CLVS1: variants seen among roughly 807,000 people sequenced by gnomAD.
CLVS1 encodes clavesin 1, also known as clavesin-1.
A neutral mutation model predicts 33.1 loss-of-function variants in CLVS1; 10 were observed. The observed-to-expected ratio is 0.30, with a 90% CI of 0.19 to 0.51. CLVS1 has a LOEUF of 0.51. CLVS1 is among the 20% of genes least tolerant of loss of function. The pLI, the probability that CLVS1 is intolerant of heterozygous loss-of-function variation, is 0.97. For missense variants in CLVS1, 343 were observed against 433.4 expected (o/e 0.79, Z 1.85); for synonymous variants, 163 against 166.1 (o/e 0.98, Z 0.14).
the CLVS1 span, among the ~76,000 whole-genome samples, chr8:60,977,648 A>G: frequency 6.6e-6 from 1 of 152,238 alleles, no homozygotes; most frequent in East Asian, 1.9e-4. Context: ...AGAAAAAAGA[A>G]TGAAGAAAAA....
At chr8:61,402,197 C>A (rs2129603591) in intron 3 of CLVS1, among the ~76,000 whole-genome samples, 1 of 152,066 alleles carries the variant, frequency 6.6e-6, no homozygotes, top group Admixed American at 6.5e-5. Context: ...GCAAGAGACC[C>A]TAAGGGCAAA....
At chr8:61,488,757 A>G (rs1803964344) in intron 5 of CLVS1, among the ~76,000 whole-genome samples, 1 of 152,216 alleles carries the variant, frequency 6.6e-6, no homozygotes, top group Non-Finnish European at 1.5e-5. Flanking sequence ...GCAGGAATGC[A>G]TAGTTTCATA....
At chr8:61,391,390 T>C (rs1229513116) in intron 3 of CLVS1, among the ~76,000 whole-genome samples, 1 of 152,194 alleles carries the variant, frequency 6.6e-6, no homozygotes, top group Non-Finnish European at 1.5e-5. Flanking sequence ...AACTTGATGT[T>C]TCTTTGGGAC....
intron 1 of CLVS1, among the ~76,000 whole-genome samples, chr8:61,116,558 C>G (rs1467613748): frequency 6.6e-6 from 1 of 152,108 alleles, no homozygotes; most frequent in Non-Finnish European, 1.5e-5. Context: ...TAAGGTGTAA[C>G]AAAGGGATCC....
At chr8:61,159,016 G>A (rs1439860042) in intron 2 of CLVS1, among the ~76,000 whole-genome samples, 5 of 152,106 alleles carry the variant, frequency 3.3e-5, no homozygotes, top group South Asian at 2.1e-4. Context: ...CTACAGGCAT[G>A]AGCCACCATG....
intron 1 of CLVS1, among the ~76,000 whole-genome samples, chr8:61,121,451 G>T (rs1805869855): frequency 6.6e-6 from 1 of 151,874 alleles, no homozygotes; most frequent in Non-Finnish European, 1.5e-5. Flanking sequence ...GTGTGTGTTT[G>T]TGTGTGTGTG....
chr8:61,311,336 T>A (rs186110793), intron 2 of CLVS1, among the ~76,000 whole-genome samples: 7 of 152,318 alleles, frequency 4.6e-5, no homozygotes, highest in African/African-American at 1.7e-4. Flanking sequence ...TCTAACAATC[T>A]CCTTGTCAGA....
the CLVS1 span, among the ~76,000 whole-genome samples, chr8:60,968,734 C>G: frequency 6.6e-6 from 1 of 150,684 alleles, no homozygotes; most frequent in African/African-American, 2.4e-5. Context: ...ACAAAAAATA[C>G]AAAAATTAGC....
At chr8:61,316,422 C>G (rs1471270155) in intron 2 of CLVS1, among the ~76,000 whole-genome samples, 1 of 152,188 alleles carries the variant, frequency 6.6e-6, no homozygotes, top group Non-Finnish European at 1.5e-5. Context: ...GTTTAAGAAT[C>G]ACCATATTAT....
At chr8:61,465,111 G>A (rs1028903520) in intron 5 of CLVS1, 1 of 152,378 alleles carries the variant, frequency 6.6e-6, no homozygotes, top group African/African-American at 2.4e-5. Context: ...TCCCTGTGGT[G>A]TGGCCTTGTT....
At chr8:61,421,000 CA>C (rs1815641228) in intron 3 of CLVS1, among the ~76,000 whole-genome samples, 1 of 152,006 alleles carries the variant, frequency 6.6e-6, no homozygotes, top group Admixed American at 6.6e-5. Flanking sequence ...AAACAAAAAT[CA>C]AAAACAAACA....
At chr8:61,270,692 T>G (rs372150539) in intron 2 of CLVS1, among the ~76,000 whole-genome samples, 1 of 152,124 alleles carries the variant, frequency 6.6e-6, no homozygotes, top group African/African-American at 2.4e-5. Flanking sequence ...TAATTTCAGA[T>G]CCTGTTATTG....
chr8:61,321,375 A>AT (rs149969199), intron 2 of CLVS1, among the ~76,000 whole-genome samples: 2,964 of 149,250 alleles, frequency 0.02, 106 homozygotes, highest in East Asian at 0.17. Context: ...TTTGATGTGG[A>AT]TTTTTTTTTC....
chr8:61,290,267 CT>C (rs1809937606), intron 1 of CLVS1, among the ~76,000 whole-genome samples: 4 of 152,170 alleles, frequency 2.6e-5, no homozygotes, highest in Admixed American at 2.0e-4. Context: ...TAAGCAATGA[CT>C]TTTCTTGACT....
In CLVS1 at chr8:61,223,491, T is replaced by C. The variant is rs190122906; in HGVS notation, c.-151-76186T>C. ...GGTTGAAAATTATTTTCTTTAAGAATGTCGAATATTGGCCCTCACTCTCTT... is the reference window on the plus strand; with the variant it reads ...GGTTGAAAATTATTTTCTTTAAGAACGTCGAATATTGGCCCTCACTCTCTT... On this transcript the variant is annotated intron_variant, in intron 2 of 2. Coordinates refer to the CLVS1 transcript ENST00000522621. Among the ~76,000 whole-genome samples the C allele has an allele frequency of 3.3e-5, 5 of 152,336 alleles. No homozygotes were observed. The East Asian group carries it at 9.6e-4, about 29-fold the overall frequency.
intron 2 of CLVS1, among the ~76,000 whole-genome samples, chr8:61,321,469 T>C (rs1029434744): frequency 2.0e-5 from 3 of 152,118 alleles, no homozygotes; most frequent in African/African-American, 7.2e-5. Context: ...TTTCAGATCC[T>C]GAAAAATTCC....
intron 2 of CLVS1, among the ~76,000 whole-genome samples, chr8:61,339,915 AAG>A (rs953885248): frequency 1.3e-5 from 2 of 151,530 alleles, no homozygotes; most frequent in African/African-American, 4.8e-5. Context: ...GAGGGAAAGA[AAG>A]AGAGTGAAAG....
At chr8:61,203,337 G>A (rs1807777399) in intron 2 of CLVS1, 1 of 617,434 alleles carries the variant, frequency 1.6e-6, no homozygotes, top group Non-Finnish European at 3.0e-6. Flanking sequence ...TCCCTACCGT[G>A]TTTGATAAAT....
intron 2 of CLVS1, among the ~76,000 whole-genome samples, chr8:61,214,685 A>C (rs2978534): frequency 1.4e-4 from 22 of 151,988 alleles, no homozygotes; most frequent in Admixed American, 3.9e-4. Flanking sequence ...GTGATTTGTT[A>C]TGGCAGCCTT....
Sources: gnomAD v4.1 joint callset for allele counts (sites outside exome capture counted in the v4.1 genomes callset) on GRCh38, gnomAD v4.1.1 for gene constraint, MANE v1.5 for transcripts, NCBI Gene and HGNC (gene_info 2026-07-23, HGNC 2026-07-21) for gene names.